OPCML: variants seen among roughly 807,000 people sequenced by gnomAD.
The protein encoded by OPCML is opioid-binding protein/cell adhesion molecule.
OPCML carries 13 observed loss-of-function variants against 37.8 expected under a neutral mutation model. The observed-to-expected ratio is 0.34, with a 90% CI of 0.22 to 0.55. The LOEUF is 0.55. Among genes scored for constraint, OPCML ranks in the 20% least tolerant of loss-of-function variants. The pLI is 0.91. For synonymous variants in OPCML, 176 were observed against 168.8 expected (o/e 1.04, Z -0.33); for missense variants, 341 against 435.6 (o/e 0.78, Z 1.93).
chr11:132,719,478 G>A (rs546507145), intron 2 of OPCML, among the ~76,000 whole-genome samples: 1 of 152,140 alleles, frequency 6.6e-6, no homozygotes, highest in East Asian at 1.9e-4. Flanking sequence ...ACTTCTCCCC[G>A]GTTTAAATTA....
At chr11:133,365,110 C>T (rs1446688483) in intron 1 of OPCML, among the ~76,000 whole-genome samples, 4 of 151,506 alleles carry the variant, frequency 2.6e-5, no homozygotes, top group African/African-American at 7.3e-5. Flanking sequence ...CCCCTGGGAA[C>T]CACTGCTGTG....
intron 4 of OPCML, among the ~76,000 whole-genome samples, chr11:132,491,923 A>AT (rs2096217246): frequency 7.7e-6 from 1 of 129,484 alleles, no homozygotes; most frequent in East Asian, 2.7e-4. Context: ...GGACATACCT[A>AT]ATTTTTTTTT....
At chr11:132,579,385 A>ATGTGCG (rs1555157872) in intron 3 of OPCML, among the ~76,000 whole-genome samples, 1 of 146,530 alleles carries the variant, frequency 6.8e-6, no homozygotes, top group East Asian at 2.0e-4. Context: ...TAGAATGAAT[A>ATGTGCG]TGTGTGTGTG....
chr11:133,106,493 G>C (rs1949159610), intron 1 of OPCML, among the ~76,000 whole-genome samples: 1 of 152,170 alleles, frequency 6.6e-6, no homozygotes, highest in African/African-American at 2.4e-5. Context: ...TCGCATCCTT[G>C]TTTTCTAAAG....
intron 1 of OPCML, among the ~76,000 whole-genome samples, chr11:133,213,394 G>A (rs904458371): frequency 6.6e-6 from 1 of 152,060 alleles, no homozygotes; most frequent in African/African-American, 2.4e-5. Context: ...AACATCTAAT[G>A]TAGAAAGACA....
At chr11:132,481,243 G>T (rs1178350044) in intron 4 of OPCML, among the ~76,000 whole-genome samples, 1 of 152,094 alleles carries the variant, frequency 6.6e-6, no homozygotes, top group South Asian at 2.1e-4. Context: ...CCAAGCAAAT[G>T]GAAAACAAAG....
intron 1 of OPCML, chr11:133,360,237 A>AT (rs1207362890): frequency 2.6e-5 from 4 of 152,248 alleles, no homozygotes; most frequent in Non-Finnish European, 5.9e-5. Flanking sequence ...CAGAGATTCT[A>AT]TTTTATCTAT....
intron 2 of OPCML, among the ~76,000 whole-genome samples, chr11:132,789,052 G>GACAA (rs143733599): frequency 0.2 from 30,407 of 151,982 alleles, 3,790 homozygotes; most frequent in Non-Finnish European, 0.3. Context: ...ACGTGCACCC[G>GACAA]ACAAACATTC....
chr11:132,426,709 G>A (rs1320051163), intron 7 of OPCML, among the ~76,000 whole-genome samples: 1 of 152,178 alleles, frequency 6.6e-6, no homozygotes, highest in Non-Finnish European at 1.5e-5. Context: ...TGGAATTACA[G>A]GCATGAGCCA....
At position 133,137,003 on chromosome 11, in the gene OPCML, G is replaced by A. The variant is rs1949702600; in HGVS notation, c.62-193993C>T. On this transcript the variant is annotated intron_variant, in intron 1 of 7. Transcript: ENST00000524381. ...TTTTGAAAAAATGGTTATGACGGAT[G>A]CCCTCAAAAGAATTTGCATATTTGC... is the stretch of plus-strand genomic sequence containing the variant. Among the ~76,000 whole-genome samples, 3 of 152,024 alleles carry A rather than the reference G, an allele frequency of 2.0e-5. No individual in the cohort carries two copies. The South Asian group carries it at 6.2e-4, about 32-fold the overall frequency.
rs377507908 is a variant in OPCML, at chr11:132,953,706, A to G, written c.62-10696T>C. The stretch of plus-strand genomic sequence containing the variant: ...TGGATCCTTCCTCCCCAGAGAACCC[A>G]GAGTGTGGAGGAGAGAATGCCGCTG... On this transcript the variant is annotated intron_variant, in intron 1 of 7. Coordinates refer to ENST00000524381, the MANE Select transcript of OPCML (RefSeq NM_001012393.5). Among the ~76,000 whole-genome samples the G allele has an allele frequency of 5.9e-5, 9 of 152,304 alleles. No individual in the cohort carries two copies. In the East Asian group the frequency reaches 1.7e-3, roughly 29 times the overall value.
chr11:132,672,236 C>A lies in OPCML; in HGVS notation c.147-14917G>T, dbSNP rs187646721. ...TTAACTGTGGGAAAGCAAAGCACAG[C>A]CTGGTTAAGCCCTCGGGGATTGCAG... On this transcript the variant is annotated intron_variant, in intron 2 of 7. Transcript: ENST00000524381. Among the ~76,000 whole-genome samples the A allele has an allele frequency of 3.5e-3, 534 of 152,268 alleles. 4 individuals are homozygous for A. The highest frequency in any genetic ancestry group is 0.021 in the South Asian group (101 of 4,822).
At chr11:132,677,233 G>A (rs900920648) in intron 2 of OPCML, among the ~76,000 whole-genome samples, 3 of 152,018 alleles carry the variant, frequency 2.0e-5, no homozygotes, top group African/African-American at 7.2e-5. Context: ...TAAAACTGAT[G>A]AACAAAATGA....
At chr11:133,315,382 G>A (rs1164179712) in intron 1 of OPCML, among the ~76,000 whole-genome samples, 1 of 152,106 alleles carries the variant, frequency 6.6e-6, no homozygotes, top group East Asian at 1.9e-4. Context: ...GGAAATGCTG[G>A]TCTATATGTT....
chr11:133,228,766 G>T (rs568107089), intron 1 of OPCML, among the ~76,000 whole-genome samples: 115 of 152,366 alleles, frequency 7.5e-4, no homozygotes, highest in African/African-American at 2.7e-3. Flanking sequence ...AAAAATGATT[G>T]CACCGCACAC....
At chr11:132,976,560 A>T (rs990041814) in intron 1 of OPCML, among the ~76,000 whole-genome samples, 65 of 152,300 alleles carry the variant, frequency 4.3e-4, no homozygotes, top group Admixed American at 1.8e-3. Context: ...CAGGTGTTCA[A>T]GTTGATTTGC....
chr11:132,654,882 C>T (rs2135763586), intron 3 of OPCML, among the ~76,000 whole-genome samples: 1 of 151,712 alleles, frequency 6.6e-6, no homozygotes, highest in South Asian at 2.1e-4. Flanking sequence ...CAGGCCACCT[C>T]AGAGGGCTGG....
At chr11:133,268,655 C>A (rs994945915) in intron 1 of OPCML, among the ~76,000 whole-genome samples, 6 of 152,094 alleles carry the variant, frequency 3.9e-5, no homozygotes, top group Admixed American at 2.0e-4. Flanking sequence ...CATAGATTAA[C>A]AATTTAAGGT....
intron 1 of OPCML, among the ~76,000 whole-genome samples, chr11:132,981,327 A>C (rs1480966074): frequency 6.6e-6 from 1 of 152,212 alleles, no homozygotes; most frequent in Non-Finnish European, 1.5e-5. Flanking sequence ...CGTGGTGGTT[A>C]GAGCAAAGTC....
Sources: gnomAD v4.1 joint callset for allele counts (sites outside exome capture counted in the v4.1 genomes callset) on GRCh38, gnomAD v4.1.1 for gene constraint, MANE v1.5 for transcripts, NCBI Gene and HGNC (gene_info 2026-07-23, HGNC 2026-07-21) for gene names.